The following NFIC variants were observed in gnomAD, a reference collection of about 807,000 sequenced individuals.
The protein encoded by NFIC is nuclear factor 1 C-type.
NFIC carries 12 observed loss-of-function variants against 54.4 expected under a neutral mutation model. The observed-to-expected ratio is 0.22, with a 90% CI of 0.14 to 0.36. The LOEUF is 0.36. Among genes scored for constraint, NFIC ranks in the 10% least tolerant of loss-of-function variants. The pLI, the probability that NFIC is intolerant of heterozygous loss-of-function variation, is 1.00. For missense variants in NFIC, 575 were observed against 718.2 expected (o/e 0.80, Z 2.28); for synonymous variants, 322 against 319.2 (o/e 1.01, Z -0.09).
chr19:3,396,742 G>C (rs139603986), intron 2 of NFIC, among the ~76,000 whole-genome samples: 1 of 152,236 alleles, frequency 6.6e-6, no homozygotes, highest in African/African-American at 2.4e-5. Flanking sequence ...GATCACCTGA[G>C]ATCAGGAGTT....
rs199785054 is a variant in NFIC, at chr19:3,382,053, G to A, written c.372G>A (p.Ala124=). ...GGCGCATCGACTGTCTCCGGCAGGC[G>A]GACAAGGTGTGGCGGCTGGACCTGG... ...KMRRIDCLRQ[A]DKVWRLDLVM... Residue 124 remains alanine (A), a synonymous_variant, in exon 2 of 11, where the codon GCG becomes GCA. Transcript: ENST00000443272. 6 of 1,613,308 alleles carry A rather than the reference G, an allele frequency of 3.7e-6. No homozygotes were observed. The highest frequency in any genetic ancestry group is 4.5e-5 in the East Asian group (2 of 44,888).
chr19:3,427,056 A>G (rs905860623), intron 3 of NFIC, among the ~76,000 whole-genome samples: 1 of 150,816 alleles, frequency 6.6e-6, no homozygotes, highest in African/African-American at 2.4e-5. Context: ...CCTCCCGAGT[A>G]GCTGGGACTA....
In NFIC at chr19:3,434,279, C is replaced by G. The variant is rs1488931165; in HGVS notation, c.712C>G (p.Pro238Ala). 1 of 1,609,812 alleles carries G rather than the reference C, an allele frequency of 6.2e-7. No homozygotes were observed. The highest frequency in any genetic ancestry group is 8.5e-7 in the Non-Finnish European group (1 of 1,179,000). ...CTCTCCTCTGTCACCCTCTGCAGCA[C>G]CCGTGGTGACTGGAACAGGACCCAA... ...VTELIQVSRT[P>A]VVTGTGPNFS... The change falls in exon 5 of 11, where the codon CCC becomes GCC. Residue 238 changes from proline to alanine, a missense_variant and splice_region_variant. Coordinates refer to ENST00000443272, the MANE Select transcript of NFIC (RefSeq NM_001245002.2).
rs950266297 is a variant in NFIC, at chr19:3,463,766, CG to C, written c.*998del. On this transcript the variant is annotated 3_prime_UTR_variant, in exon 11 of 11. Transcript: ENST00000443272. ...GGGAGCCCGGACACCCAGAGCTCCCCGAGTTGGGGGTGCCCGTCTGGAGCGC... is the reference window on the plus strand; with the variant it reads ...GGGAGCCCGGACACCCAGAGCTCCCCAGTTGGGGGTGCCCGTCTGGAGCGC... The C allele has an allele frequency of 1.5e-5, 15 of 985,288 alleles. No homozygotes were observed. Among genetic ancestry groups the C allele is most frequent in the Non-Finnish European group, 1.8e-5 (15 of 830,026 alleles). The allele number at this position is 985,288 out of a possible 1,614,324, so 61.0% of individuals were successfully genotyped here. A position where few individuals can be genotyped will look rare whatever the true frequency, so the allele number is the denominator to read the frequency against.
At chr19:3,460,951 C>T (rs2082629746) in intron 10 of NFIC, among the ~76,000 whole-genome samples, 1 of 151,790 alleles carries the variant, frequency 6.6e-6, no homozygotes, top group Non-Finnish European at 1.5e-5. Flanking sequence ...ATGGAGAAAC[C>T]CCGTTTCTAC....
intron 3 of NFIC, among the ~76,000 whole-genome samples, chr19:3,429,680 C>T (rs1383868762): frequency 6.6e-6 from 1 of 152,154 alleles, no homozygotes; most frequent in Non-Finnish European, 1.5e-5. Context: ...TCCGTGCTGC[C>T]CCCTGGGGGC....
intron 1 of NFIC, among the ~76,000 whole-genome samples, chr19:3,371,998 C>CTCTCTCTCT (rs2081026721): frequency 5.7e-5 from 2 of 35,370 alleles, no homozygotes; most frequent in Non-Finnish European, 1.1e-4. Context: ...CCTCTCTCTC[C>CTCTCTCTCT]CTCTCTCTCT....
chr19:3,428,598 G>C (rs1434624607), intron 3 of NFIC, among the ~76,000 whole-genome samples: 1 of 152,102 alleles, frequency 6.6e-6, no homozygotes, highest in Non-Finnish European at 1.5e-5. Context: ...CTGGCCCCCG[G>C]TGACTCCTCC....
chr19:3,447,159 C>G (rs1022056991), intron 6 of NFIC, among the ~76,000 whole-genome samples: 1 of 151,762 alleles, frequency 6.6e-6, no homozygotes, highest in African/African-American at 2.4e-5. Context: ...ATGACCCGGG[C>G]GTGGTGGTGG....
intron 2 of NFIC, among the ~76,000 whole-genome samples, chr19:3,394,841 G>C (rs2145515447): frequency 6.6e-6 from 1 of 152,138 alleles, no homozygotes; most frequent in Admixed American, 6.6e-5. Flanking sequence ...CAGGTTGCGT[G>C]CTCCTTAGGA....
intron 2 of NFIC, among the ~76,000 whole-genome samples, chr19:3,388,919 C>T (rs909721292): frequency 2.0e-5 from 3 of 151,792 alleles, no homozygotes; most frequent in Non-Finnish European, 4.4e-5. Context: ...GCAGGAGAGT[C>T]GCTTGAACCT....
At chr19:3,403,423 A>G (rs2081588262) in intron 2 of NFIC, among the ~76,000 whole-genome samples, 1 of 152,170 alleles carries the variant, frequency 6.6e-6, no homozygotes, top group African/African-American at 2.4e-5. Flanking sequence ...CCACAATCTG[A>G]TGTGTTTACA....
At chr19:3,426,249 T>A (rs1019339908) in intron 3 of NFIC, among the ~76,000 whole-genome samples, 5 of 152,086 alleles carry the variant, frequency 3.3e-5, no homozygotes, top group African/African-American at 7.2e-5. Flanking sequence ...TTTAATTTTT[T>A]AAATATTTTT....
upstream of NFIC, chr19:3,366,521 G>T: frequency 2.0e-6 from 1 of 497,410 alleles, no homozygotes; most frequent in Non-Finnish European, 3.2e-6. Flanking sequence ...AGGAGAGCGC[G>T]CCGGCCGCGG....
intron 2 of NFIC, among the ~76,000 whole-genome samples, chr19:3,414,764 G>T (rs1252882505): frequency 6.6e-6 from 1 of 152,040 alleles, no homozygotes; most frequent in African/African-American, 2.4e-5. Context: ...AATCTAAAAT[G>T]CTGCAAACCC....
chr19:3,447,879 GTTTT>G (rs1160564269), intron 6 of NFIC, among the ~76,000 whole-genome samples: 3 of 151,968 alleles, frequency 2.0e-5, no homozygotes, highest in Non-Finnish European at 4.4e-5. Flanking sequence ...GAGTCCATCC[GTTTT>G]TTGTTTGTTT....
At chr19:3,395,653 C>T (rs1388790257) in intron 2 of NFIC, among the ~76,000 whole-genome samples, 17 of 151,808 alleles carry the variant, frequency 1.1e-4, no homozygotes, top group Admixed American at 1.1e-3. Flanking sequence ...TGCACCACTA[C>T]GCCTGGCTGA....
In NFIC at chr19:3,449,126, C is replaced by T. The variant is rs149374084; in HGVS notation, c.1071C>T (p.Ile357=). 6.0e-4 allele frequency: 966 copies of T among 1,613,394 alleles called. 1 individual carries two copies. The highest frequency in any genetic ancestry group is 7.7e-4 in the Non-Finnish European group (909 of 1,179,688). ...SSFTQHHRPV[I]AVHSGIARSP... Reference sequence around the variant, plus strand: ...TCACCCAGCACCACCGGCCCGTCATCGCCGTGCACAGCGGTAAGCGCCACG... The same window carrying T: ...TCACCCAGCACCACCGGCCCGTCATTGCCGTGCACAGCGGTAAGCGCCACG... Residue 357 remains isoleucine (I), a synonymous_variant, in exon 7 of 11, where the codon ATC becomes ATT. Transcript: ENST00000443272.
At chr19:3,461,352 GAT>G in intron 10 of NFIC, among the ~76,000 whole-genome samples, 1 of 151,992 alleles carries the variant, frequency 6.6e-6, no homozygotes, top group Non-Finnish European at 1.5e-5. Context: ...GAGCCCAGGA[GAT>G]GGAGGCTGCA....
Sources: allele counts gnomAD v4.1 joint callset (sites outside exome capture counted in the v4.1 genomes callset), GRCh38; gene constraint gnomAD v4.1.1; transcripts MANE v1.5; gene names NCBI Gene and HGNC (gene_info 2026-07-23, HGNC 2026-07-21).